TENM1: variants seen among roughly 807,000 people sequenced by gnomAD.
TENM1 encodes the protein teneurin transmembrane protein 1.
In TENM1, 35 loss-of-function variants were observed where a neutral mutation model predicts 174.8. The ratio of observed to expected loss-of-function variants is 0.20; its 90% CI spans 0.15 to 0.27. The LOEUF is 0.27. Among genes scored for constraint, TENM1 ranks in the 10% least tolerant of loss-of-function variants. The pLI, the probability that TENM1 is intolerant of heterozygous loss-of-function variation, is 1.00. For missense variants in TENM1, 1,633 were observed against 2,130.1 expected (o/e 0.77, Z 4.59); for synonymous variants, 781 against 798.7 (o/e 0.98, Z 0.37).
intron 3 of TENM1, among the ~76,000 whole-genome samples, chrX:124,742,599 G>T (rs1246035370): frequency 9.1e-6 from 1 of 109,973 alleles, no homozygotes; most frequent in Non-Finnish European, 1.9e-5. Context: ...TTTATTAAGG[G>T]GTGCTGGCCC....
At chrX:124,553,507 A>G (rs1188492346) in intron 14 of TENM1, among the ~76,000 whole-genome samples, 1 of 107,740 alleles carries the variant, frequency 9.3e-6, no homozygotes, top group African/African-American at 3.4e-5. Context: ...TCTCAAAAAA[A>G]AAAAAAAAGT....
At chrX:124,442,370 G>A (rs1233333959) in intron 23 of TENM1, among the ~76,000 whole-genome samples, 1 of 112,145 alleles carries the variant, frequency 8.9e-6, no homozygotes, top group African/African-American at 3.2e-5. Flanking sequence ...TCCCTACAGA[G>A]CTTCACAAAA....
the TENM1 span, among the ~76,000 whole-genome samples, chrX:125,000,059 C>A: frequency 1.1e-4 from 12 of 111,516 alleles, no homozygotes; most frequent in African/African-American, 3.9e-4. Flanking sequence ...CTTGTTATTT[C>A]TTTAATTAAA....
intron 6 of TENM1, among the ~76,000 whole-genome samples, chrX:124,662,226 G>A (rs2051621126): frequency 9.1e-6 from 1 of 110,110 alleles, no homozygotes; most frequent in Non-Finnish European, 1.9e-5. Flanking sequence ...AAGCTGAGAC[G>A]GGCGGATCAC....
upstream of TENM1, among the ~76,000 whole-genome samples, chrX:124,965,170 C>T (rs997230429): frequency 1.8e-5 from 2 of 111,272 alleles, no homozygotes; most frequent in African/African-American, 6.5e-5. Context: ...CTCCGTCTCC[C>T]GGGTTCACGC....
intron 20 of TENM1, among the ~76,000 whole-genome samples, chrX:124,487,652 A>C (rs1187776283): frequency 4.5e-5 from 5 of 111,424 alleles, no homozygotes; most frequent in African/African-American, 1.6e-4. Flanking sequence ...TGCAAAATAA[A>C]ATTTAGGAAC....
chrX:125,188,350 C>A, the TENM1 span, among the ~76,000 whole-genome samples: 3 of 106,228 alleles, frequency 2.8e-5, no homozygotes, highest in Non-Finnish European at 5.8e-5. Flanking sequence ...GATGACAGAG[C>A]GAGACTTTCT....
intron 22 of TENM1, among the ~76,000 whole-genome samples, chrX:124,475,776 C>A (rs1229939168): frequency 9.0e-6 from 1 of 111,223 alleles, no homozygotes; most frequent in Non-Finnish European, 1.9e-5. Context: ...CATTTATTTG[C>A]CCCAGTTTTG....
chrX:124,773,870 TA>T (rs1251292639), intron 3 of TENM1, among the ~76,000 whole-genome samples: 1 of 112,133 alleles, frequency 8.9e-6, no homozygotes, highest in East Asian at 2.8e-4. Flanking sequence ...TATGGGCCTA[TA>T]TCAAGGATGG....
intron 4 of TENM1, among the ~76,000 whole-genome samples, chrX:124,736,095 T>C (rs1367908606): frequency 1.8e-5 from 2 of 111,110 alleles, no homozygotes; most frequent in East Asian, 5.6e-4. Flanking sequence ...AAAACAAAAA[T>C]AAAAGCTTCC....
intron 15 of TENM1, among the ~76,000 whole-genome samples, chrX:124,538,861 A>G (rs2048260078): frequency 8.9e-6 from 1 of 112,055 alleles, no homozygotes; most frequent in Admixed American, 9.5e-5. Flanking sequence ...TTATCTTTTA[A>G]AAATAATTCC....
At chrX:124,463,874 TGTGG>T (rs1346386755) in intron 22 of TENM1, among the ~76,000 whole-genome samples, 3 of 101,924 alleles carry the variant, frequency 2.9e-5, no homozygotes, top group African/African-American at 1.1e-4. Flanking sequence ...TGTGTGTGTG[TGTGG>T]AGAGAGAGAG....
chrX:124,744,889 C>T (rs777547118), intron 3 of TENM1, among the ~76,000 whole-genome samples: 5 of 111,677 alleles, frequency 4.5e-5, no homozygotes, highest in Non-Finnish European at 7.5e-5. Flanking sequence ...GAATGCAAAT[C>T]GCTCCAATGT....
chrX:125,035,743 AAGGGTCTGTTAAATTTTTC>A, the TENM1 span, among the ~76,000 whole-genome samples: 1 of 111,442 alleles, frequency 9.0e-6, no homozygotes, highest in Non-Finnish European at 1.9e-5. Flanking sequence ...ATGGTCTGAA[AAGGGTCTGTTAAATTTTTC>A]AGTTATACTT....
chrX:125,027,209 G>C, the TENM1 span, among the ~76,000 whole-genome samples: 2 of 111,832 alleles, frequency 1.8e-5, no homozygotes, highest in African/African-American at 6.5e-5. Context: ...TGTTTAGCAA[G>C]GTTTCTGGAA....
At chrX:124,487,642 T>A (rs1410623387) in intron 20 of TENM1, among the ~76,000 whole-genome samples, 1 of 111,499 alleles carries the variant, frequency 9.0e-6, no homozygotes, top group African/African-American at 3.3e-5. Context: ...GCAATTCTGA[T>A]GCAAAATAAA....
intron 1 of TENM1, among the ~76,000 whole-genome samples, chrX:124,936,617 A>G (rs1021736106): frequency 1.8e-5 from 2 of 112,433 alleles, no homozygotes; most frequent in Non-Finnish European, 3.8e-5. Context: ...TTGATGTAAC[A>G]CTAAGCAAAT....
intron 27 of TENM1, among the ~76,000 whole-genome samples, chrX:124,399,063 T>A (rs1463886089): frequency 8.9e-6 from 1 of 112,118 alleles, no homozygotes; most frequent in Non-Finnish European, 1.9e-5. Context: ...AATAATATAA[T>A]GTTTTTTACT....
rs144051586 is a variant in TENM1, at chrX:124,711,487, A to G, written c.777-6236T>C. The stretch of plus-strand genomic sequence containing the variant: ...TCTTTTACATCTTGTAAACATTCTT[A>G]TGAGACGCATATCTATACCTATATT... On this transcript the variant is annotated intron_variant, in intron 4 of 31. Coordinates refer to ENST00000422452, the Ensembl canonical transcript of TENM1. Among the ~76,000 whole-genome samples, 477 of 111,616 alleles carry G rather than the reference A, an allele frequency of 4.3e-3. 2 individuals carry two copies. The highest frequency in any genetic ancestry group is 0.015 in the African/African-American group (465 of 30,812).
Sources: allele counts gnomAD v4.1 joint callset (sites outside exome capture counted in the v4.1 genomes callset), GRCh38; gene constraint gnomAD v4.1.1; transcripts MANE v1.5; gene names NCBI Gene and HGNC (gene_info 2026-07-23, HGNC 2026-07-21).